PTPN13: variants seen among roughly 807,000 people sequenced by gnomAD.
PTPN13 encodes the protein protein tyrosine phosphatase non-receptor type 13.
In PTPN13, 191 loss-of-function variants were observed where a neutral mutation model predicts 284.0. The observed-to-expected ratio is 0.67, with a 90% confidence interval of 0.60 to 0.76. The LOEUF is 0.76. Among genes scored for constraint, PTPN13 ranks in the 30% least tolerant of loss-of-function variants. The pLI is 0.00. For missense variants in PTPN13, 2,797 were observed against 2,939.9 expected, an observed-to-expected ratio of 0.95 and a Z score of 1.12; for synonymous variants, 986 against 1,022.3, an observed-to-expected ratio of 0.96 and a Z score of 0.68.
At chr4:86,686,868 CA>C in intron 4 of PTPN13, 93 bp downstream of exon 4, 3 of 858,846 alleles carry the variant, frequency 3.5e-6, no homozygotes, top group Non-Finnish European at 5.5e-6. Context: ...ACGTGTTCTA[CA>C]GCATGCTGTC....
At chr4:86,780,252 T>A in intron 35 of PTPN13, 150 bp from the exon 36 acceptor site, 1 of 639,230 alleles carries the variant, frequency 1.6e-6, no homozygotes. Flanking sequence ...TACAAAAAAA[T>A]AGCTGGGCAT....
At chr4:86,770,076 C>T (rs2149270402) in intron 29 of PTPN13, 25 bp from the exon 30 acceptor site, 3 of 1,611,436 alleles carry the variant, frequency 1.9e-6, no homozygotes, top group Non-Finnish European at 2.5e-6. Context: ...ACTGTACCTT[C>T]ATTTGTCATT....
intron 9 of PTPN13, among the ~76,000 whole-genome samples, chr4:86,720,079 C>G (rs1733488104): frequency 6.6e-6 from 1 of 152,068 alleles, no homozygotes; most frequent in Non-Finnish European, 1.5e-5. Context: ...TGAGTAGTTA[C>G]TATTATGCCC....
chr4:86,643,289 T>C (rs746140341), intron 2 of PTPN13, among the ~76,000 whole-genome samples: 10 of 152,208 alleles, frequency 6.6e-5, no homozygotes, highest in Non-Finnish European at 1.5e-4. Flanking sequence ...CCAGCAAGTG[T>C]CCTGCAAAAA....
intron 24 of PTPN13, among the ~76,000 whole-genome samples, 159 bp from the exon 25 acceptor site, chr4:86,764,434 A>AT (rs924579292): frequency 6.6e-6 from 1 of 151,856 alleles, no homozygotes; most frequent in Non-Finnish European, 1.5e-5. Flanking sequence ...CTTTTTCATA[A>AT]TTTTTCCAAA....
intron 44 of PTPN13, among the ~76,000 whole-genome samples, chr4:86,807,087 A>C (rs1240620297): frequency 1.3e-5 from 2 of 152,174 alleles, no homozygotes; most frequent in African/African-American, 4.8e-5. Context: ...TATGCCAATA[A>C]CATTTGCAAT....
At chr4:86,768,044 C>G in intron 28 of PTPN13, 68 bp downstream of exon 28, 2 of 1,443,070 alleles carry the variant, frequency 1.4e-6, no homozygotes, top group East Asian at 2.3e-5. Context: ...TTGATTTTTA[C>G]ATGTTGGATT....
chr4:86,704,948 A>G (rs78766036), intron 7 of PTPN13, among the ~76,000 whole-genome samples: 7,510 of 152,298 alleles, frequency 0.049, 252 homozygotes, highest in African/African-American at 0.071. Context: ...GAATGTTAGA[A>G]GTTTAGAATT....
At chr4:86,737,767 G>A (rs1050797387) in intron 15 of PTPN13, among the ~76,000 whole-genome samples, 1 of 151,708 alleles carries the variant, frequency 6.6e-6, no homozygotes, top group African/African-American at 2.4e-5. Flanking sequence ...GTCTCACTCT[G>A]TTGCCAGGTA....
chr4:86,791,150 C>T (rs984638277), intron 40 of PTPN13, among the ~76,000 whole-genome samples: 1 of 152,186 alleles, frequency 6.6e-6, no homozygotes, highest in Non-Finnish European at 1.5e-5. Flanking sequence ...AAACACTGTG[C>T]TTTTCCCACA....
At chr4:86,735,446 C>A in intron 14 of PTPN13, 148 bp from the exon 15 acceptor site, 1 of 777,914 alleles carries the variant, frequency 1.3e-6, no homozygotes, top group Non-Finnish European at 2.0e-6. Context: ...AAGACTGATG[C>A]ATTTCTTCTA....
At chr4:86,785,788 A>G (rs1268958806) in intron 39 of PTPN13, 60 bp from the exon 40 acceptor site, 2 of 1,080,814 alleles carry the variant, frequency 1.9e-6, no homozygotes, top group Non-Finnish European at 2.6e-6. Context: ...GCAAATGAAA[A>G]CTTTTCTACT....
At chr4:86,696,500 ACAT>A (rs1181210078) in intron 6 of PTPN13, among the ~76,000 whole-genome samples, 1 of 151,968 alleles carries the variant, frequency 6.6e-6, no homozygotes, top group Admixed American at 6.6e-5. Flanking sequence ...AACAATAAAA[ACAT>A]CAGAAATTTT....
chr4:86,634,817 T>G (rs1419604163), intron 1 of PTPN13, among the ~76,000 whole-genome samples: 1 of 152,206 alleles, frequency 6.6e-6, no homozygotes, highest in Non-Finnish European at 1.5e-5. Flanking sequence ...TATTCCCAAC[T>G]TCCCCTACCA....
At chr4:86,711,061 C>CT (rs759675927) in intron 7 of PTPN13, among the ~76,000 whole-genome samples, 1 of 146,580 alleles carries the variant, frequency 6.8e-6, no homozygotes, top group Admixed American at 6.9e-5. Flanking sequence ...GTATCTAGGA[C>CT]TACAAGCATG....
chr4:86,633,230 G>C (rs1025193012), intron 1 of PTPN13, among the ~76,000 whole-genome samples: 1 of 152,140 alleles, frequency 6.6e-6, no homozygotes, highest in African/African-American at 2.4e-5. Flanking sequence ...CTGGCCCTCT[G>C]TGTGGCCGTG....
At chr4:86,703,882 A>G (rs899293492) in intron 7 of PTPN13, among the ~76,000 whole-genome samples, 1 of 151,798 alleles carries the variant, frequency 6.6e-6, no homozygotes, top group Non-Finnish European at 1.5e-5. Context: ...TGATAGTAAT[A>G]ATAAAATTGG....
At chr4:86,638,946 A>T (rs1723395183) in intron 2 of PTPN13, among the ~76,000 whole-genome samples, 1 of 152,246 alleles carries the variant, frequency 6.6e-6, no homozygotes, top group Non-Finnish European at 1.5e-5. Context: ...CAAAGGGCTA[A>T]TATCCAGAAT....
intron 15 of PTPN13, among the ~76,000 whole-genome samples, chr4:86,736,962 C>A (rs1303118721): frequency 6.6e-6 from 1 of 152,208 alleles, no homozygotes; most frequent in Non-Finnish European, 1.5e-5. Context: ...TAAGGCTACA[C>A]TTTTGCTATA....
Sources: gnomAD v4.1 joint callset for allele counts (sites outside exome capture counted in the v4.1 genomes callset) on GRCh38, gnomAD v4.1.1 for gene constraint, MANE v1.5 for transcripts, NCBI Gene and HGNC (gene_info 2026-07-23, HGNC 2026-07-21) for gene names.